GLRX2: variants seen among roughly 807,000 people sequenced by gnomAD.
GLRX2 encodes the protein glutaredoxin 2.
A neutral mutation model predicts 16.4 loss-of-function variants in GLRX2; 12 were observed. The ratio of observed to expected loss-of-function variants is 0.73; its 90% confidence interval spans 0.47 to 1.19. The LOEUF is 1.19. GLRX2 is among the 50% of genes most tolerant of loss of function. The pLI is 0.00. For missense variants in GLRX2, 201 were observed against 201.8 expected, an observed-to-expected ratio of 1.00 and a Z score of 0.02; for synonymous variants, 95 against 76.2, an observed-to-expected ratio of 1.25 and a Z score of -1.28.
At chr1:193,098,452 A>C (rs1277778472) in intron 2 of GLRX2, among the ~76,000 whole-genome samples, 1 of 152,146 alleles carries the variant, frequency 6.6e-6, no homozygotes, top group Non-Finnish European at 1.5e-5. Context: ...AGGCAGGAGA[A>C]TCACTTGAAC....
At chr1:193,098,283 G>A (rs944642557) in intron 2 of GLRX2, among the ~76,000 whole-genome samples, 2 of 152,082 alleles carry the variant, frequency 1.3e-5, no homozygotes, top group Non-Finnish European at 2.9e-5. Context: ...GCTCATACCT[G>A]TAATCCCAGC....
Position 193,096,682 on chromosome 1 carries a change from C to A in GLRX2, c.438G>T (p.Leu146Phe), listed in dbSNP as rs372259057. Residue 146 changes from leucine (L) to phenylalanine (F), a missense_variant, in exon 4 of 4, where the codon TTG becomes TTT. Transcript: ENST00000367439. ...AATAACACTGATGAACTAGTGGGAGCAATTTTCCTTCTTTGTGAAGCCTAT... is the reference window on the plus strand; with the variant it reads ...AATAACACTGATGAACTAGTGGGAGAAATTTTCCTTCTTTGTGAAGCCTAT... ...DTHRLHKEGKLLPLVHQCYLK... is the reference protein window; with the variant it reads ...DTHRLHKEGKFLPLVHQCYLK... 3.7e-6 allele frequency: 6 copies of A among 1,602,554 alleles called. No homozygotes were observed. The highest frequency in any genetic ancestry group is 5.1e-6 in the Non-Finnish European group (6 of 1,169,990).
chr1:193,098,843 G>A (rs1399435693), intron 2 of GLRX2, among the ~76,000 whole-genome samples: 1 of 152,148 alleles, frequency 6.6e-6, no homozygotes, highest in East Asian at 1.9e-4. Flanking sequence ...GAGCCACCGC[G>A]CCCAGCCCCA....
At chr1:193,097,484 G>C (rs970978997) in intron 3 of GLRX2, 100 bp downstream of exon 3, 5 of 865,198 alleles carry the variant, frequency 5.8e-6, no homozygotes, top group Non-Finnish European at 8.5e-6. Flanking sequence ...TCTATCCTCA[G>C]AGAATGTCTG....
At chr1:193,102,702 G>T (rs1408349694) in intron 1 of GLRX2, among the ~76,000 whole-genome samples, 1 of 152,114 alleles carries the variant, frequency 6.6e-6, no homozygotes, top group African/African-American at 2.4e-5. Context: ...GCTTTTTCCA[G>T]TACATCTTAT....
At chr1:193,096,811 G>A in intron 3 of GLRX2, 52 bp from the exon 4 acceptor site, 4 of 1,385,446 alleles carry the variant, frequency 2.9e-6, no homozygotes, top group Non-Finnish European at 4.0e-6. Flanking sequence ...TCAGAACTAA[G>A]ATCATTTCAC....
At chr1:193,105,650 C>T (rs750092957), upstream of GLRX2, 2 of 1,598,182 alleles carry the variant, frequency 1.3e-6, no homozygotes, top group South Asian at 1.1e-5. Context: ...CGAGCCCCGC[C>T]TCTGGATTCT....
upstream of GLRX2, chr1:193,105,978 C>T (rs912071): frequency 0.72 from 715,753 of 991,896 alleles, 259,294 homozygotes; most frequent in South Asian, 0.78. Context: ...GATTATTTCC[C>T]ACCACCTGCC....
At chr1:193,105,142 C>A (rs1675160836) in intron 1 of GLRX2, 122 bp downstream of exon 1, 2 of 1,364,656 alleles carry the variant, frequency 1.5e-6, no homozygotes, top group Admixed American at 3.3e-5. Context: ...TCAGAGCCCA[C>A]GCGCTAGTAC....
upstream of GLRX2, chr1:193,105,579 C>T: frequency 6.2e-7 from 1 of 1,607,722 alleles, no homozygotes; most frequent in South Asian, 1.1e-5. Context: ...CGAGTGCCAC[C>T]CACGTGTAAA....
At chr1:193,103,984 T>C (rs1014594493) in intron 1 of GLRX2, among the ~76,000 whole-genome samples, 4 of 152,044 alleles carry the variant, frequency 2.6e-5, no homozygotes, top group Non-Finnish European at 5.9e-5. Flanking sequence ...AGGAAGAGCA[T>C]TGGTGGAATA....
At chr1:193,105,829 A>T (rs1400923328), upstream of GLRX2, 2 of 1,314,170 alleles carry the variant, frequency 1.5e-6, no homozygotes, top group African/African-American at 3.1e-5. Flanking sequence ...TTTTGTGTGG[A>T]TGAAATAAGA....
At chr1:193,098,341 G>A (rs1048887053) in intron 2 of GLRX2, among the ~76,000 whole-genome samples, 4 of 152,110 alleles carry the variant, frequency 2.6e-5, no homozygotes, top group Admixed American at 1.3e-4. Context: ...AGGAGTTCGA[G>A]ACCAGCCTGG....
At chr1:193,103,259 A>C (rs1675115491) in intron 1 of GLRX2, among the ~76,000 whole-genome samples, 1 of 152,240 alleles carries the variant, frequency 6.6e-6, no homozygotes, top group Non-Finnish European at 1.5e-5. Context: ...GAAGTAAAAA[A>C]TTCATGGCAG....
At chr1:193,097,965 T>C (rs1185031891) in intron 2 of GLRX2, among the ~76,000 whole-genome samples, 1 of 152,224 alleles carries the variant, frequency 6.6e-6, no homozygotes, top group African/African-American at 2.4e-5. Flanking sequence ...AAAAAGTGCC[T>C]GGCATAGAGC....
chr1:193,100,871 G>C (rs1172346742), intron 2 of GLRX2, among the ~76,000 whole-genome samples: 2 of 152,204 alleles, frequency 1.3e-5, no homozygotes, highest in Non-Finnish European at 2.9e-5. Flanking sequence ...AAGTGGGTAT[G>C]ATGAAAAGGA....
chr1:193,098,984 TCTATC>T (rs1675018431), intron 2 of GLRX2, among the ~76,000 whole-genome samples: 1 of 152,228 alleles, frequency 6.6e-6, no homozygotes, highest in Non-Finnish European at 1.5e-5. Flanking sequence ...CCCCTCTACT[TCTATC>T]CTTTCCTATA....
At chr1:193,105,694 G>A, upstream of GLRX2, 2 of 1,535,676 alleles carry the variant, frequency 1.3e-6, no homozygotes, top group South Asian at 2.5e-5. Flanking sequence ...AGGCTCCCAG[G>A]CACTTGGAAG....
chr1:193,098,654 C>T (rs1028437857), intron 2 of GLRX2, among the ~76,000 whole-genome samples: 3 of 152,092 alleles, frequency 2.0e-5, no homozygotes, highest in Non-Finnish European at 2.9e-5. Context: ...CAGGTTCAAG[C>T]GATTCTCATG....
Sources: gnomAD v4.1 joint callset for allele counts (sites outside exome capture counted in the v4.1 genomes callset) on GRCh38, gnomAD v4.1.1 for gene constraint, MANE v1.5 for transcripts, NCBI Gene and HGNC (gene_info 2026-07-23, HGNC 2026-07-21) for gene names.